Variants in MELTF observed in about 807,000 individuals in gnomAD.
MELTF encodes melanotransferrin.
MELTF carries 67 observed loss-of-function variants against 83.7 expected under a neutral mutation model. The observed-to-expected ratio is 0.80, with a 90% CI of 0.66 to 0.98. MELTF has a LOEUF of 0.98. Among genes scored for constraint, MELTF ranks in the 50% least tolerant of loss-of-function variants. MELTF has a pLI of 0.00. For missense variants in MELTF, 1,002 were observed against 1,035.6 expected (o/e 0.97, Z 0.44); for synonymous variants, 462 against 447.6 (o/e 1.03, Z -0.41).
Position 197,006,177 on chromosome 3 carries a change from T to C in MELTF, c.1938+372A>G, listed in dbSNP as rs11918991. 0.054 allele frequency among the ~76,000 whole-genome samples: 8,209 copies of C among 150,898 alleles called. 610 individuals carry two copies. The highest frequency in any genetic ancestry group is 0.16 in the African/African-American group (6,751 of 40,970). On this transcript the variant is annotated intron_variant, in intron 14 of 15. Transcript: ENST00000296350. This position sits in a 1 kb window ranked among gnomAD's most constrained non-coding sequence, Gnocchi z 5.4. ...CGGAGCTTGCAGTGAGCCGAGATAGTGCCACTGCACTCCAGCCTGGGGCGA... is the reference window on the plus strand; with the variant it reads ...CGGAGCTTGCAGTGAGCCGAGATAGCGCCACTGCACTCCAGCCTGGGGCGA...
rs780700586 is a variant in MELTF at position 197,010,715 on chromosome 3, G to T, written c.1313C>A (p.Ala438Asp). The change falls in exon 10 of 16, where the codon GCC becomes GAC. Residue 438 changes from alanine (A) to aspartate (D), a missense_variant. Ala to Asp is a moderately radical substitution (Grantham distance 126). Coordinates refer to ENST00000296350, the MANE Select transcript of MELTF (RefSeq NM_005929.6). ...GCACTCACGGGCATAGTGCTCCCCG[G>T]CTGCGGGAACCAGGCCGTACGTCTT... Reference protein sequence around the residue: ...AGKTYGLVPAAGEHYAPEDSS... With the variant: ...AGKTYGLVPADGEHYAPEDSS... 1 of 1,613,108 alleles carries T rather than the reference G, an allele frequency of 6.2e-7. No individual in the cohort carries two copies. Among genetic ancestry groups the T allele is most frequent in the African/African-American group, 1.3e-5 (1 of 74,948 alleles).
At chr3:197,026,501 G>A (rs1355086479) in intron 3 of MELTF, 159 bp downstream of exon 3, 3 of 633,500 alleles carry the variant, frequency 4.7e-6, no homozygotes, top group Non-Finnish European at 5.6e-6. Context: ...CCTGTCCCTG[G>A]GGAATTTGAG....
At chr3:197,020,865 C>T (rs2148588674) in intron 6 of MELTF, among the ~76,000 whole-genome samples, 1 of 152,250 alleles carries the variant, frequency 6.6e-6, no homozygotes, top group South Asian at 2.1e-4. Flanking sequence ...GATAGGATTT[C>T]ACCATGTTGG....
At chr3:197,026,448 G>A (rs545699312) in intron 3 of MELTF, 56 of 572,488 alleles carry the variant, frequency 9.8e-5, no homozygotes, top group South Asian at 3.7e-4. Flanking sequence ...GGCTCCCTGC[G>A]GGCAAGAGCA....
rs968244246 is a variant in MELTF at position 197,002,291 on chromosome 3, C to G, written c.*1081G>C. 2.0e-5 allele frequency: 3 copies of G among 152,296 alleles called. No homozygotes were observed. The highest frequency in any genetic ancestry group is 4.4e-5 in the Non-Finnish European group (3 of 68,068). The allele number at this position is 152,296 out of a possible 1,614,324, so 9.4% of individuals were successfully genotyped here. A position where few individuals can be genotyped will look rare whatever the true frequency, so the allele number is the denominator to read the frequency against. On this transcript the variant is annotated 3_prime_UTR_variant, in exon 16 of 16. Transcript: ENST00000296350. ...GCGGCTCCCGGTCTGCTGACGAGGGCTGCCTGCTCCCATTTCTTCTCTTCC... is the reference window on the plus strand; with the variant it reads ...GCGGCTCCCGGTCTGCTGACGAGGGGTGCCTGCTCCCATTTCTTCTCTTCC...
At position 197,027,888 on chromosome 3, in the gene MELTF, C is replaced by G; in HGVS notation, c.72G>C (p.Arg24=). The stretch of plus-strand genomic sequence containing the variant: ...GCTCTGGGTCCGAGGTGGCGCACCA[C>G]CGCACCTCCATGCCACCGAGCACTG... The part of the protein sequence containing the change: ...LRTVLGGMEV[R]WCATSDPEQH... Residue 24 remains arginine, a synonymous_variant, in exon 2 of 16, where the codon CGG becomes CGC. Transcript: ENST00000296350. 6.2e-7 allele frequency: 1 copy of G among 1,600,900 alleles called. No homozygotes were observed. The highest frequency in any genetic ancestry group is 1.1e-5 in the South Asian group (1 of 90,288).
intron 9 of MELTF, 121 bp from the exon 10 acceptor site, chr3:197,010,915 CT>C (rs1367079853): frequency 2.0e-5 from 17 of 829,480 alleles, no homozygotes; most frequent in Admixed American, 4.2e-5. Flanking sequence ...CTTCCTTCCC[CT>C]GGGGAATGTG....
chr3:197,023,749 G>A (rs1244713505), intron 4 of MELTF: 3 of 448,924 alleles, frequency 6.7e-6, no homozygotes, highest in East Asian at 7.0e-5. Context: ...CCTCCCAGAG[G>A]AGTAGATATT....
chr3:197,003,361 G>A lies in MELTF; in HGVS notation c.*11C>T. 2 of 1,072,622 alleles carry A rather than the reference G, an allele frequency of 1.9e-6. No individual in the cohort carries two copies. Among genetic ancestry groups the A allele is most frequent in the East Asian group, 6.4e-5 (1 of 15,688 alleles). The allele number at this position is 1,072,622 out of a possible 1,614,324, so 66.4% of individuals were successfully genotyped here. On this transcript the variant is annotated 3_prime_UTR_variant, in exon 16 of 16. Coordinates refer to ENST00000296350, the MANE Select transcript of MELTF (RefSeq NM_005929.6). This position sits in a 1 kb window ranked among gnomAD's most constrained non-coding sequence, Gnocchi z 6.2. Reference sequence around the variant, plus strand: ...GGCGGGCATCGGAGCTCTGGGGCGGGGCGGCCGGGCTCAGAGGGCGGGCGG... The same window carrying A: ...GGCGGGCATCGGAGCTCTGGGGCGGAGCGGCCGGGCTCAGAGGGCGGGCGG...
intron 8 of MELTF, among the ~76,000 whole-genome samples, chr3:197,015,970 C>G (rs191593964): frequency 6.6e-6 from 1 of 152,148 alleles, no homozygotes; most frequent in African/African-American, 2.4e-5. Flanking sequence ...TCTGCATCCT[C>G]CCCCGCTGCG....
In MELTF at chr3:197,003,910, A is replaced by T; in HGVS notation, c.2128T>A (p.Ser710Thr). The change falls in exon 15 of 16, where the codon TCG becomes ACG. Residue 710 changes from serine (S) to threonine (T), a missense_variant. Transcript: ENST00000296350. This position sits in a 1 kb window ranked among gnomAD's most constrained non-coding sequence, Gnocchi z 6.2. ...ALEGMSSQQCSGAAAPAPGAP... is the reference protein window; with the variant it reads ...ALEGMSSQQCTGAAAPAPGAP... ...GGCGGGCCTGTCCTACCTGCGCCCG[A>T]GCACTGCTGAGACGACATCCCTTCC... 6.2e-7 allele frequency: 1 copy of T among 1,613,488 alleles called. No individual in the cohort carries two copies. The highest frequency in any genetic ancestry group is 1.1e-5 in the South Asian group (1 of 91,072).
intron 6 of MELTF, among the ~76,000 whole-genome samples, chr3:197,017,874 C>A (rs1183584210): frequency 6.6e-6 from 1 of 151,772 alleles, no homozygotes; most frequent in Non-Finnish European, 1.5e-5. Flanking sequence ...GAAACTCTGT[C>A]TCAAAAAAAA....
rs1718892446 is a variant in MELTF, at chr3:197,004,156, G to A, written c.1939-57C>T. On this transcript the variant is annotated intron_variant, in intron 14 of 15. Coordinates refer to ENST00000296350, the MANE Select transcript of MELTF (RefSeq NM_005929.6). ...TCACTGGGCTCAGGCAGGGTCACCC[G>A]CCCAGTGCCGCTAGCTGCAAATTGC... 1.6e-5 allele frequency: 24 copies of A among 1,526,176 alleles called. No individual in the cohort carries two copies. In the South Asian group the frequency reaches 2.4e-4, roughly 15 times the overall value. The allele number at this position is 1,526,176 out of a possible 1,614,324, so 94.5% of individuals were successfully genotyped here. A position where few individuals can be genotyped will look rare whatever the true frequency, so the allele number is the denominator to read the frequency against.
Position 197,002,596 on chromosome 3 carries a change from A to G in MELTF, c.*776T>C, listed in dbSNP as rs1234647809. On this transcript the variant is annotated 3_prime_UTR_variant, in exon 16 of 16. Coordinates refer to ENST00000296350, the MANE Select transcript of MELTF (RefSeq NM_005929.6). ...GCCTGGGTCACCTCCGGCTCCCTTC[A>G]GGCGGGGGGCGGCTGCTGCCGCCAG... 1 of 152,078 alleles carries G rather than the reference A, an allele frequency of 6.6e-6. No individual in the cohort carries two copies. The highest frequency in any genetic ancestry group is 1.5e-5 in the Non-Finnish European group (1 of 68,040). 9.4% of individuals were successfully genotyped at this position (152,078 alleles called of 1,614,324 possible).
intron 4 of MELTF, chr3:197,023,868 A>T (rs1719732901): frequency 2.2e-6 from 1 of 459,048 alleles, no homozygotes; most frequent in Non-Finnish European, 4.4e-6. Flanking sequence ...CTGATGAGCC[A>T]CTTGGGAGCT....
chr3:197,027,323 G>A (rs536250120), intron 2 of MELTF, among the ~76,000 whole-genome samples: 2 of 152,226 alleles, frequency 1.3e-5, no homozygotes, highest in African/African-American at 4.8e-5. Flanking sequence ...GTGTCATTTA[G>A]CAGTTCTCAG....
At chr3:197,019,843 A>C in intron 6 of MELTF, 1 of 1,528,346 alleles carries the variant, frequency 6.5e-7, no homozygotes, top group Non-Finnish European at 8.8e-7. Context: ...AAGAATGACA[A>C]TGATTTAAAA....
In MELTF at chr3:197,029,546, G is replaced by A. The variant is rs905777976; in HGVS notation, c.49+108C>T. 2.1e-6 allele frequency: 2 copies of A among 938,118 alleles called. No homozygotes were observed. Among genetic ancestry groups the A allele is most frequent in the Non-Finnish European group, 2.8e-6 (2 of 719,958 alleles). The allele number at this position is 938,118 out of a possible 1,614,324, so 58.1% of individuals were successfully genotyped here. A position where few individuals can be genotyped will look rare whatever the true frequency, so the allele number is the denominator to read the frequency against. On this transcript the variant is annotated intron_variant, in intron 1 of 15. Transcript: ENST00000296350. This position sits in a 1 kb window ranked among gnomAD's most constrained non-coding sequence, Gnocchi z 6.5. ...GAGCCCCTGCCTCCCCCGTCTCACT[G>A]CCCCGGAGCCGCAGGCTCAGGCACA...
Position 197,008,906 on chromosome 3 carries a change from A to T in MELTF, c.1585T>A (p.Ser529Thr). 2 of 1,614,020 alleles carry T rather than the reference A, an allele frequency of 1.2e-6. No individual in the cohort carries two copies. The highest frequency in any genetic ancestry group is 1.7e-6 in the Non-Finnish European group (2 of 1,179,980). ...VPVNNPKNYPSSLCALCVGDE... is the reference protein window; with the variant it reads ...VPVNNPKNYPTSLCALCVGDE... ...CCCACGCACAGTGCACACAGCGAGG[A>T]GGGGTAGTTCTTGGGGTTGTTCACG... Residue 529 changes from serine (S) to threonine (T), a missense_variant, in exon 12 of 16, where the codon TCC (serine) becomes ACC (threonine). By Grantham distance (58) the Ser-to-Thr change is moderately conservative (BLOSUM62 1). Transcript: ENST00000296350. The surrounding 1 kb of genome is among the most constrained non-coding windows in gnomAD (Gnocchi z 5.4).
Sources: gnomAD v4.1 joint callset for allele counts (sites outside exome capture counted in the v4.1 genomes callset) on GRCh38, gnomAD v4.1.1 for gene constraint, Gnocchi (gnomAD v3.1) non-coding constraint, MANE v1.5 for transcripts, NCBI Gene and HGNC (gene_info 2026-07-23, HGNC 2026-07-21) for gene names.